TRPM6: variants seen among roughly 807,000 people sequenced by gnomAD.
TRPM6 encodes channel kinase 2.
TRPM6 carries 111 observed loss-of-function variants against 247.6 expected under a neutral mutation model. That is an observed-to-expected ratio of 0.45 (90% CI 0.38 to 0.52). The LOEUF (loss-of-function observed/expected upper bound fraction) is 0.52. TRPM6 is among the 20% of genes least tolerant of loss of function. The probability of loss-of-function intolerance (pLI) is 0.00; values close to 1 mark genes in which losing one functional copy is unlikely to be tolerated. For missense variants in TRPM6, 2,126 were observed against 2,421.5 expected (o/e 0.88, Z 2.56); for synonymous variants, 892 against 853.8 (o/e 1.04, Z -0.78).
At chr9:74,784,290 G>GA (rs1252307151) in intron 21 of TRPM6, among the ~76,000 whole-genome samples, 4 of 150,424 alleles carry the variant, frequency 2.7e-5, no homozygotes, top group African/African-American at 7.3e-5. Context: ...GAAAGAAAAA[G>GA]AAAAAAAGAA....
chr9:74,762,816 G>T lies in TRPM6; in HGVS notation c.3855C>A (p.Ser1285Arg), dbSNP rs759354797. 1.2e-6 allele frequency: 2 copies of T among 1,614,066 alleles called. No homozygotes were observed. The highest frequency in any genetic ancestry group is 1.7e-6 in the Non-Finnish European group (2 of 1,180,018). The change falls in exon 26 of 39, where the codon AGC (serine) becomes AGA (arginine). Residue 1285 changes from serine (S) to arginine (R), a missense_variant. Ser to Arg is a moderately radical substitution (Grantham distance 110, BLOSUM62 -1). Transcript: ENST00000360774. The part of the protein sequence containing the change: ...YYSMPSSLLR[S>R]LAGGRHPPRV... ...TTGGGGGATGCCGGCCTCCAGCCAG[G>T]CTCCTCAGCAAAGAAGAGGGCATGC...
In TRPM6 at chr9:74,840,004, A is replaced by G. The variant is rs745785852; in HGVS notation, c.544+20T>C. The G allele has an allele frequency of 6.3e-7, 1 of 1,587,314 alleles. No individual in the cohort carries two copies. On this transcript the variant is annotated intron_variant, in intron 5 of 38. Coordinates refer to ENST00000360774, the MANE Select transcript of TRPM6 (RefSeq NM_017662.5). Reference sequence around the variant, plus strand: ...GAGGGTGAAAGAGAGGGTGGGAGAAATGGAGGGAGGGAGCTTTACCTGTAT... The same window carrying G: ...GAGGGTGAAAGAGAGGGTGGGAGAAGTGGAGGGAGGGAGCTTTACCTGTAT...
At chr9:74,816,290 C>T (rs975524842) in intron 11 of TRPM6, among the ~76,000 whole-genome samples, 1 of 151,978 alleles carries the variant, frequency 6.6e-6, no homozygotes, top group African/African-American at 2.4e-5. Flanking sequence ...GATTACCTGA[C>T]CCCAGGAGTT....
chr9:74,862,708 G>A (rs1830725816), intron 1 of TRPM6, among the ~76,000 whole-genome samples: 1 of 152,190 alleles, frequency 6.6e-6, no homozygotes, highest in East Asian at 1.9e-4. Flanking sequence ...TTGTCCGGGT[G>A]TGGTGGCTCA....
At chr9:74,738,733 T>C in intron 35 of TRPM6, 121 bp from the exon 36 acceptor site, 3 of 834,874 alleles carry the variant, frequency 3.6e-6, no homozygotes, top group Non-Finnish European at 6.0e-6. Context: ...TCAATGCACA[T>C]GCCCTTGCCC....
rs779624727 is a variant in TRPM6, at chr9:74,762,062, C to G, written c.4609G>C (p.Ala1537Pro). Residue 1537 changes from alanine to proline, a missense_variant, in exon 26 of 39, where the codon GCT becomes CCT. Ala to Pro is a conservative substitution (Grantham distance 27). Coordinates refer to ENST00000360774, the MANE Select transcript of TRPM6 (RefSeq NM_017662.5). ...INPLRRYRPF[A>P]RSHSFRFHKE... Reference sequence around the variant, plus strand: ...TGGAATCTAAAACTATGACTCCTAGCGAAGGGCCTGTATCTGCGGAGAGGA... The same window carrying G: ...TGGAATCTAAAACTATGACTCCTAGGGAAGGGCCTGTATCTGCGGAGAGGA... 7.4e-6 allele frequency: 12 copies of G among 1,614,056 alleles called. No homozygotes were observed. The highest frequency in any genetic ancestry group is 1.0e-5 in the Non-Finnish European group (12 of 1,180,038).
chr9:74,795,131 C>A (rs934905479), intron 18 of TRPM6, among the ~76,000 whole-genome samples: 2 of 152,094 alleles, frequency 1.3e-5, no homozygotes. Flanking sequence ...CCCTTCAAGA[C>A]GGCCTTGTTT....
intron 25 of TRPM6, 141 bp from the exon 26 acceptor site, chr9:74,763,275 T>C: frequency 1.2e-6 from 1 of 800,224 alleles, no homozygotes; most frequent in Non-Finnish European, 2.1e-6. Flanking sequence ...GCCTTCTTCT[T>C]CGCCCAATAC....
intron 19 of TRPM6, among the ~76,000 whole-genome samples, chr9:74,792,030 T>C (rs1308926271): frequency 6.6e-5 from 10 of 152,214 alleles, no homozygotes; most frequent in Admixed American, 6.5e-5. Flanking sequence ...GTGCTGGAAT[T>C]ACAGGCGTGA....
At chr9:74,823,906 T>C (rs986152224) in intron 7 of TRPM6, among the ~76,000 whole-genome samples, 1 of 151,106 alleles carries the variant, frequency 6.6e-6, no homozygotes, top group Non-Finnish European at 1.5e-5. Context: ...GCTTAAAAGA[T>C]GTTGCTTGTG....
At chr9:74,772,152 G>A (rs921456167) in intron 24 of TRPM6, among the ~76,000 whole-genome samples, 4 of 152,180 alleles carry the variant, frequency 2.6e-5, no homozygotes, top group Middle Eastern at 3.4e-3. Context: ...TTAGCTAGGC[G>A]CCTGTGGTCC....
intron 21 of TRPM6, 129 bp downstream of exon 21, chr9:74,785,745 G>T (rs567808093): frequency 5.7e-5 from 57 of 1,003,346 alleles, no homozygotes; most frequent in Middle Eastern, 3.1e-4. Flanking sequence ...GGATGTTCTT[G>T]ATCTCCTGAC....
At chr9:74,732,936 G>A (rs1190985763) in intron 36 of TRPM6, among the ~76,000 whole-genome samples, 200 bp from the exon 37 acceptor site, 9 of 152,152 alleles carry the variant, frequency 5.9e-5, no homozygotes, top group Non-Finnish European at 1.2e-4. Flanking sequence ...GCTCACGCCT[G>A]TAATCCCAGC....
intron 3 of TRPM6, among the ~76,000 whole-genome samples, chr9:74,854,756 C>T (rs1379853988): frequency 6.6e-6 from 1 of 152,158 alleles, no homozygotes; most frequent in African/African-American, 2.4e-5. Context: ...CTTGACCTCC[C>T]AAGTTCAAGC....
rs1467513517 is a variant in TRPM6, at chr9:74,724,603, T to C, written c.*10A>G. 1.2e-6 allele frequency: 2 copies of C among 1,614,156 alleles called. No individual in the cohort carries two copies. The highest frequency in any genetic ancestry group is 1.1e-5 in the South Asian group (1 of 91,082). ...AGGGCAAGCACTGGGATCTTCTTGC[T>C]CCTCCCTTTTTATAGTTGCATATCA... is the stretch of plus-strand genomic sequence containing the variant. On this transcript the variant is annotated 3_prime_UTR_variant, in exon 39 of 39. Coordinates refer to ENST00000360774, the MANE Select transcript of TRPM6 (RefSeq NM_017662.5).
chr9:74,769,288 G>A (rs1826933553), intron 25 of TRPM6, among the ~76,000 whole-genome samples: 2 of 152,110 alleles, frequency 1.3e-5, no homozygotes, highest in Non-Finnish European at 2.9e-5. Flanking sequence ...TGGGACTACA[G>A]GCATGTGCCA....
intron 25 of TRPM6, among the ~76,000 whole-genome samples, chr9:74,767,247 C>T (rs1228390279): frequency 2.0e-5 from 3 of 151,996 alleles, no homozygotes; most frequent in African/African-American, 2.4e-5. Flanking sequence ...ACAGCATTTC[C>T]GAAATATAAT....
At chr9:74,788,768 G>T in intron 19 of TRPM6, 26 bp from the exon 20 acceptor site, 1 of 1,612,336 alleles carries the variant, frequency 6.2e-7, no homozygotes, top group South Asian at 1.1e-5. Flanking sequence ...ACATTCCCCA[G>T]ATGTGAGTGA....
chr9:74,820,255 T>C (rs946782722), intron 9 of TRPM6, 49 bp downstream of exon 9: 3 of 1,594,818 alleles, frequency 1.9e-6, no homozygotes, highest in African/African-American at 2.7e-5. Context: ...ACAGTGTTTA[T>C]AAATTAGCAG....
Sources: allele counts gnomAD v4.1 joint callset (sites outside exome capture counted in the v4.1 genomes callset), GRCh38; gene constraint gnomAD v4.1.1; transcripts MANE v1.5; gene names NCBI Gene and HGNC (gene_info 2026-07-23, HGNC 2026-07-21).